Variants in KCNMA1 observed in about 807,000 individuals in gnomAD.
The protein encoded by KCNMA1 is potassium calcium-activated channel subfamily M alpha 1, also known as Calcium-activated potassium channel subunit alpha-1.
KCNMA1 carries 29 observed loss-of-function variants against 140.0 expected under a neutral mutation model. The ratio of observed to expected loss-of-function variants is 0.21; its 90% CI spans 0.15 to 0.28. The LOEUF is 0.28. KCNMA1 is among the 10% of genes least tolerant of loss of function. KCNMA1 has a pLI of 1.00. For missense variants in KCNMA1, 880 were observed against 1,602.2 expected (o/e 0.55, Z 7.70); for synonymous variants, 612 against 611.9 (o/e 1.00, Z 0.00).
chr10:77,508,701 G>A (rs767444771), intron 1 of KCNMA1, among the ~76,000 whole-genome samples: 2 of 146,824 alleles, frequency 1.4e-5, no homozygotes, highest in Admixed American at 7.0e-5. Context: ...TAGTTCTATA[G>A]CACGAAGTAC....
chr10:77,586,849 C>T (rs1010394688), intron 1 of KCNMA1, among the ~76,000 whole-genome samples: 1 of 152,154 alleles, frequency 6.6e-6, no homozygotes, highest in Admixed American at 6.5e-5. Flanking sequence ...ACTATTGACT[C>T]CTAGCTCTAT....
At chr10:76,961,700 C>A (rs1357688907) in intron 20 of KCNMA1, among the ~76,000 whole-genome samples, 1 of 152,144 alleles carries the variant, frequency 6.6e-6, no homozygotes, top group Admixed American at 6.5e-5. Flanking sequence ...CTACCACCCC[C>A]CGATCAGACA....
chr10:76,946,760 C>T (rs1203190501), intron 22 of KCNMA1, among the ~76,000 whole-genome samples: 2 of 152,162 alleles, frequency 1.3e-5, no homozygotes, highest in Admixed American at 1.3e-4. Context: ...TGTAGGGAAG[C>T]CAGCCGTAAT....
chr10:77,625,578 T>C (rs1360596820), intron 1 of KCNMA1, among the ~76,000 whole-genome samples: 2 of 152,212 alleles, frequency 1.3e-5, no homozygotes, highest in Non-Finnish European at 2.9e-5. Context: ...GTTTGGCAAC[T>C]CTATGTACCT....
chr10:76,950,611 T>C (rs931339935), intron 21 of KCNMA1, among the ~76,000 whole-genome samples: 1 of 152,198 alleles, frequency 6.6e-6, no homozygotes, highest in Non-Finnish European at 1.5e-5. Flanking sequence ...TTACAATGCT[T>C]TGGGGGAGGC....
chr10:77,453,973 G>A (rs989063176), intron 1 of KCNMA1, among the ~76,000 whole-genome samples: 2 of 152,118 alleles, frequency 1.3e-5, no homozygotes, highest in African/African-American at 4.8e-5. Flanking sequence ...GAAAAAATTA[G>A]CCCTAGATTA....
intron 5 of KCNMA1, among the ~76,000 whole-genome samples, chr10:77,171,414 T>C (rs868693408): frequency 3.3e-4 from 45 of 134,576 alleles, no homozygotes; most frequent in South Asian, 9.3e-4. Flanking sequence ...TGTGTGTGTG[T>C]GTGTGTGTGT....
At chr10:77,225,453 CAGA>C (rs2051014808) in intron 3 of KCNMA1, among the ~76,000 whole-genome samples, 1 of 152,178 alleles carries the variant, frequency 6.6e-6, no homozygotes, top group Admixed American at 6.5e-5. Flanking sequence ...CAGGAAAAAA[CAGA>C]AGCTCTAAAC....
At chr10:77,110,463 C>CATCTCGTGTGGA in intron 7 of KCNMA1, 120 bp from the exon 8 acceptor site, 2 of 853,928 alleles carry the variant, frequency 2.3e-6, no homozygotes, top group Non-Finnish European at 4.0e-6. Context: ...ACTCTCCACA[C>CATCTCGTGTGGA]GAGATGTGTG....
chr10:77,119,794 T>C (rs370887720), intron 6 of KCNMA1, among the ~76,000 whole-genome samples: 2 of 152,212 alleles, frequency 1.3e-5, no homozygotes, highest in South Asian at 2.1e-4. Flanking sequence ...TTCAGTGCCA[T>C]TGGATTCTCT....
At chr10:77,074,987 G>C (rs926961992) in intron 13 of KCNMA1, among the ~76,000 whole-genome samples, 1 of 152,224 alleles carries the variant, frequency 6.6e-6, no homozygotes, top group Non-Finnish European at 1.5e-5. Context: ...GCAAGTCCAA[G>C]GGTTCCACAC....
At chr10:77,394,356 G>A (rs972984399) in intron 2 of KCNMA1, among the ~76,000 whole-genome samples, 6 of 152,204 alleles carry the variant, frequency 3.9e-5, no homozygotes, top group Non-Finnish European at 5.9e-5. Context: ...AGGGCGTGCC[G>A]GAGAGCCCAG....
chr10:77,205,425 T>C (rs1228417559), intron 3 of KCNMA1, among the ~76,000 whole-genome samples: 1 of 152,186 alleles, frequency 6.6e-6, no homozygotes, highest in African/African-American at 2.4e-5. Flanking sequence ...TGGAAAAAGA[T>C]GAATTAAAAT....
At chr10:77,288,621 G>A (rs778877500) in intron 2 of KCNMA1, among the ~76,000 whole-genome samples, 3 of 152,116 alleles carry the variant, frequency 2.0e-5, no homozygotes, top group African/African-American at 7.2e-5. Flanking sequence ...AACATGCAAG[G>A]GTCACCCAGC....
chr10:77,067,015 A>C (rs983549313), intron 14 of KCNMA1, among the ~76,000 whole-genome samples: 15 of 152,274 alleles, frequency 9.9e-5, no homozygotes, highest in African/African-American at 3.6e-4. Flanking sequence ...CCCACCAGAC[A>C]ATAAGAATTG....
At chr10:76,897,634 A>C (rs185106745) in intron 25 of KCNMA1, among the ~76,000 whole-genome samples, 1 of 152,208 alleles carries the variant, frequency 6.6e-6, no homozygotes, top group Admixed American at 6.5e-5. Flanking sequence ...ATAATTTTAA[A>C]CCCTTAGTAA....
At chr10:77,554,457 C>T (rs199498447) in intron 1 of KCNMA1, among the ~76,000 whole-genome samples, 10 of 151,520 alleles carry the variant, frequency 6.6e-5, no homozygotes, top group Non-Finnish European at 1.0e-4. Flanking sequence ...ATTAGCTGAG[C>T]GTGCTAGTGT....
chr10:77,405,944 C>T (rs1425954328), intron 1 of KCNMA1, among the ~76,000 whole-genome samples: 1 of 152,218 alleles, frequency 6.6e-6, no homozygotes, highest in Non-Finnish European at 1.5e-5. Context: ...TTCTCTCCCT[C>T]TGGCTGCCTG....
At chr10:77,237,759 C>T (rs1036331013) in intron 3 of KCNMA1, among the ~76,000 whole-genome samples, 2 of 152,168 alleles carry the variant, frequency 1.3e-5, no homozygotes, top group African/African-American at 4.8e-5. Context: ...CCCGCCAGAG[C>T]TGCCCAGCAG....
Sources: allele counts gnomAD v4.1 joint callset (sites outside exome capture counted in the v4.1 genomes callset), GRCh38; gene constraint gnomAD v4.1.1; transcripts MANE v1.5; gene names NCBI Gene and HGNC (gene_info 2026-07-23, HGNC 2026-07-21).